DOCK3: variants seen among roughly 807,000 people sequenced by gnomAD.
The protein encoded by DOCK3 is dedicator of cytokinesis protein 3.
Under a neutral mutation model 265.6 loss-of-function variants are expected in DOCK3, and 60 were observed. That is an observed-to-expected ratio of 0.23 (90% CI 0.18 to 0.28). The LOEUF (loss-of-function observed/expected upper bound fraction) is 0.28, where lower values mean the gene tolerates loss of function less well. Among genes scored for constraint, DOCK3 ranks in the 10% least tolerant of loss-of-function variants. DOCK3 has a pLI of 1.00. For missense variants in DOCK3, 1,981 were observed against 2,594.3 expected (o/e 0.76, Z 5.14); for synonymous variants, 881 against 938.0 (o/e 0.94, Z 1.11).
At chr3:51,016,644 T>TTTATGTTTATATA (rs1559944841) in intron 5 of DOCK3, among the ~76,000 whole-genome samples, 1 of 15,632 alleles carries the variant, frequency 6.4e-5, no homozygotes, top group African/African-American at 3.9e-4. Flanking sequence ...ATGATATATA[T>TTTATGTTTATATA]TTATATGTTT....
intron 1 of DOCK3, among the ~76,000 whole-genome samples, chr3:50,760,030 T>C (rs1576355282): frequency 1.3e-5 from 2 of 151,902 alleles, no homozygotes; most frequent in South Asian, 2.1e-4. Context: ...GCGGACTCTT[T>C]TTTTTTTTTC....
intron 7 of DOCK3, 83 bp downstream of exon 7, chr3:51,075,523 A>G (rs1321452282): frequency 1.6e-6 from 2 of 1,224,136 alleles, no homozygotes; most frequent in Non-Finnish European, 2.3e-6. Flanking sequence ...TTATGAAACA[A>G]CATTGCTAAA....
intron 2 of DOCK3, among the ~76,000 whole-genome samples, chr3:50,799,097 C>T (rs1438417356): frequency 6.6e-6 from 1 of 152,102 alleles, no homozygotes; most frequent in Non-Finnish European, 1.5e-5. Flanking sequence ...GTTTTTATGC[C>T]AGTATCATGC....
intron 23 of DOCK3, among the ~76,000 whole-genome samples, chr3:51,267,130 A>G (rs1179688251): frequency 5.3e-5 from 8 of 152,216 alleles, no homozygotes; most frequent in Non-Finnish European, 1.2e-4. Context: ...ACCATCTCAC[A>G]CTAGTTAGAA....
chr3:51,099,127 G>T (rs751510509), intron 9 of DOCK3, among the ~76,000 whole-genome samples: 3 of 152,160 alleles, frequency 2.0e-5, no homozygotes, highest in African/African-American at 7.2e-5. Flanking sequence ...TTCAAATAGG[G>T]TTTAAAGCTA....
intron 12 of DOCK3, among the ~76,000 whole-genome samples, chr3:51,164,661 C>T (rs762242412): frequency 1.3e-5 from 2 of 150,002 alleles, no homozygotes; most frequent in African/African-American, 2.5e-5. Flanking sequence ...TCAGAGAATG[C>T]CCCATATCAT....
chr3:50,945,141 A>G (rs971816091), intron 5 of DOCK3, among the ~76,000 whole-genome samples: 1 of 152,200 alleles, frequency 6.6e-6, no homozygotes, highest in African/African-American at 2.4e-5. Flanking sequence ...GTGTGTTTGC[A>G]TTAATTTTGA....
At chr3:50,773,732 C>T (rs559208535) in intron 1 of DOCK3, among the ~76,000 whole-genome samples, 1 of 152,056 alleles carries the variant, frequency 6.6e-6, no homozygotes, top group Non-Finnish European at 1.5e-5. Flanking sequence ...TTTGTGGCTA[C>T]CTGCAATGAC....
intron 12 of DOCK3, among the ~76,000 whole-genome samples, chr3:51,201,761 C>G (rs1002038996): frequency 6.6e-6 from 1 of 152,086 alleles, no homozygotes; most frequent in African/African-American, 2.4e-5. Flanking sequence ...AAATTGACCA[C>G]ATAGTTGGAA....
intron 51 of DOCK3, among the ~76,000 whole-genome samples, chr3:51,379,105 T>A (rs1242496086): frequency 6.6e-6 from 1 of 152,184 alleles, no homozygotes; most frequent in Non-Finnish European, 1.5e-5. Flanking sequence ...CTATATTCTC[T>A]CATTCTCATC....
chr3:51,007,258 T>G (rs1292317843), intron 5 of DOCK3, among the ~76,000 whole-genome samples: 1 of 152,256 alleles, frequency 6.6e-6, no homozygotes, highest in Non-Finnish European at 1.5e-5. Flanking sequence ...AAAGTGTTCC[T>G]ATTTCTCCAC....
intron 2 of DOCK3, among the ~76,000 whole-genome samples, chr3:50,834,540 G>A (rs2045388878): frequency 6.6e-6 from 1 of 152,114 alleles, no homozygotes; most frequent in African/African-American, 2.4e-5. Flanking sequence ...CTTCCCGTAT[G>A]ATTTGTATAC....
At chr3:51,276,288 C>A in intron 25 of DOCK3, 2 of 861,950 alleles carry the variant, frequency 2.3e-6, no homozygotes, top group Non-Finnish European at 2.8e-6. Flanking sequence ...TAAGACTTGG[C>A]AGCTCTTCTT....
intron 2 of DOCK3, among the ~76,000 whole-genome samples, chr3:50,788,513 C>G (rs2042298275): frequency 6.6e-6 from 1 of 152,202 alleles, no homozygotes. Context: ...CTGAAGAGAA[C>G]TACAAGGGAC....
At chr3:50,909,213 A>G (rs547332042) in intron 4 of DOCK3, among the ~76,000 whole-genome samples, 1 of 152,202 alleles carries the variant, frequency 6.6e-6, no homozygotes, top group South Asian at 2.1e-4. Context: ...GCCCATTAAC[A>G]TTTAAGTTTA....
rs967171748 is a variant in DOCK3 at position 51,061,325 on chromosome 3, G to A, written c.316-3123G>A. 4.6e-5 allele frequency among the ~76,000 whole-genome samples: 7 copies of A among 152,202 alleles called. No homozygotes were observed. In the East Asian group the frequency reaches 5.8e-4, roughly 13 times the overall value. On this transcript the variant is annotated intron_variant, in intron 5 of 52. Coordinates refer to ENST00000266037, the MANE Select transcript of DOCK3 (RefSeq NM_004947.5). ...TTGGAACCAACCCAAATGTCCAACAGTGATAGACTGGATTAAGAAAATGTG... is the reference window on the plus strand; with the variant it reads ...TTGGAACCAACCCAAATGTCCAACAATGATAGACTGGATTAAGAAAATGTG...
At chr3:51,288,440 A>G (rs148198441) in intron 27 of DOCK3, among the ~76,000 whole-genome samples, 247 of 151,340 alleles carry the variant, frequency 1.6e-3, no homozygotes, top group African/African-American at 5.6e-3. Flanking sequence ...ATCAGGGCCT[A>G]TCTAAGAGTG....
intron 1 of DOCK3, among the ~76,000 whole-genome samples, chr3:50,699,619 G>A (rs1188012950): frequency 1.3e-5 from 2 of 152,040 alleles, no homozygotes; most frequent in East Asian, 1.9e-4. Context: ...AAGACTCTGT[G>A]TGTATTCCTT....
intron 27 of DOCK3, among the ~76,000 whole-genome samples, chr3:51,284,552 A>G (rs183304719): frequency 1.3e-5 from 2 of 152,326 alleles, no homozygotes; most frequent in Middle Eastern, 3.4e-3. Context: ...CAGTGCAGAA[A>G]AGGGGCAGGA....
Sources: allele counts gnomAD v4.1 joint callset (sites outside exome capture counted in the v4.1 genomes callset), GRCh38; gene constraint gnomAD v4.1.1; transcripts MANE v1.5; gene names NCBI Gene and HGNC (gene_info 2026-07-23, HGNC 2026-07-21).